Variants in MARCHF1 observed in about 807,000 individuals in gnomAD.
MARCHF1 encodes the protein membrane associated ring-CH-type finger 1, also known as E3 ubiquitin-protein ligase MARCHF1.
MARCHF1 carries 40 observed loss-of-function variants against 54.2 expected under a neutral mutation model. The observed-to-expected ratio is 0.74, with a 90% CI of 0.57 to 0.96. The LOEUF is 0.96. MARCHF1 is among the 40% of genes least tolerant of loss of function. The pLI is 0.00. For synonymous variants in MARCHF1, 236 were observed against 236.3 expected, an observed-to-expected ratio of 1.00 and a Z score of 0.01; for missense variants, 586 against 656.5, an observed-to-expected ratio of 0.89 and a Z score of 1.17.
At chr4:164,049,498 C>T (rs1215546903) in intron 2 of MARCHF1, among the ~76,000 whole-genome samples, 2 of 151,912 alleles carry the variant, frequency 1.3e-5, no homozygotes, top group African/African-American at 2.4e-5. Context: ...TAAATTTACA[C>T]ACCTGCTAAA....
intron 1 of MARCHF1, among the ~76,000 whole-genome samples, chr4:164,232,753 G>C (rs2111184074): frequency 6.6e-6 from 1 of 151,942 alleles, no homozygotes; most frequent in Middle Eastern, 3.4e-3. Flanking sequence ...TTCTTTGCTT[G>C]GCTGGTTAAA....
At chr4:164,273,462 C>A (rs1400568026) in intron 1 of MARCHF1, among the ~76,000 whole-genome samples, 1 of 151,982 alleles carries the variant, frequency 6.6e-6, no homozygotes, top group African/African-American at 2.4e-5. Context: ...GGATACAAAG[C>A]CTAACCATAT....
intron 1 of MARCHF1, among the ~76,000 whole-genome samples, chr4:164,200,986 C>T (rs1405311291): frequency 3.3e-5 from 5 of 151,856 alleles, no homozygotes; most frequent in South Asian, 2.1e-4. Flanking sequence ...AGCCAGACCA[C>T]GAGGCAGAAA....
chr4:164,010,085 T>C (rs1004152910), intron 2 of MARCHF1, among the ~76,000 whole-genome samples: 1 of 80,332 alleles, frequency 1.2e-5, no homozygotes, highest in Non-Finnish European at 2.7e-5. Context: ...TTTTTTTTTT[T>C]AGGCGGAGTC....
chr4:164,043,135 C>T (rs1163395927), intron 2 of MARCHF1, among the ~76,000 whole-genome samples: 1 of 152,096 alleles, frequency 6.6e-6, no homozygotes, highest in African/African-American at 2.4e-5. Flanking sequence ...AGGATGATGG[C>T]CCTCTTCTCA....
chr4:164,189,457 C>T lies in MARCHF1; in HGVS notation c.-322-77795G>A, dbSNP rs1731065779. On this transcript the variant is annotated intron_variant, in intron 1 of 9. Transcript: ENST00000514618. ...GAATTCTGATATTGATGATGTTGTT[C>T]TTGGTGGCTCTACTCGAATTCCAAA... The T allele has an allele frequency of 3.3e-5, 23 of 705,286 alleles. No individual in the cohort carries two copies. In the Middle Eastern group the frequency reaches 1.5e-3, roughly 46 times the overall value. 43.7% of individuals were successfully genotyped at this position (705,286 alleles called of 1,614,324 possible).
intron 4 of MARCHF1, among the ~76,000 whole-genome samples, chr4:163,783,516 T>C (rs896421974): frequency 1.2e-4 from 18 of 152,336 alleles, no homozygotes; most frequent in South Asian, 2.1e-4. Flanking sequence ...TACCTCACTG[T>C]CCTTATCCTA....
intron 4 of MARCHF1, among the ~76,000 whole-genome samples, chr4:163,805,333 G>C (rs954281619): frequency 2.0e-5 from 3 of 151,278 alleles, no homozygotes; most frequent in African/African-American, 7.3e-5. Flanking sequence ...GGATGTGTTT[G>C]GATGAAAGTA....
intron 5 of MARCHF1, 106 bp downstream of exon 5, chr4:163,700,707 T>C: frequency 2.4e-6 from 2 of 830,554 alleles, no homozygotes; most frequent in South Asian, 1.5e-5. Flanking sequence ...CAAATCACAT[T>C]TGTGTTCTGC....
intron 1 of MARCHF1, among the ~76,000 whole-genome samples, chr4:164,376,010 T>G (rs1377893202): frequency 6.6e-6 from 1 of 152,192 alleles, no homozygotes; most frequent in African/African-American, 2.4e-5. Flanking sequence ...TTATACTCAC[T>G]TTTGCGTATG....
intron 4 of MARCHF1, among the ~76,000 whole-genome samples, chr4:163,796,048 G>A (rs984060859): frequency 2.6e-5 from 4 of 151,992 alleles, no homozygotes; most frequent in African/African-American, 7.2e-5. Flanking sequence ...TTGAGTAGGC[G>A]GAAGAGGAGG....
At chr4:163,705,702 A>T (rs1744931116) in intron 4 of MARCHF1, among the ~76,000 whole-genome samples, 1 of 151,986 alleles carries the variant, frequency 6.6e-6, no homozygotes, top group Non-Finnish European at 1.5e-5. Context: ...ACAATATTCT[A>T]AAAAACACTA....
intron 8 of MARCHF1, among the ~76,000 whole-genome samples, chr4:163,564,781 C>A (rs1355411655): frequency 2.0e-5 from 3 of 152,128 alleles, no homozygotes; most frequent in Non-Finnish European, 4.4e-5. Context: ...TAATAGTGAG[C>A]CAGCAGAAAA....
At chr4:163,883,703 T>C (rs1750470103) in intron 3 of MARCHF1, among the ~76,000 whole-genome samples, 1 of 152,194 alleles carries the variant, frequency 6.6e-6, no homozygotes, top group Non-Finnish European at 1.5e-5. Context: ...GCATGGGGCA[T>C]ACTTGTTCTA....
chr4:164,213,753 C>T (rs997255803), intron 1 of MARCHF1, among the ~76,000 whole-genome samples: 1 of 151,536 alleles, frequency 6.6e-6, no homozygotes, highest in Non-Finnish European at 1.5e-5. Context: ...TATTTTTTGT[C>T]TATTGTATAA....
At chr4:164,237,870 T>C (rs1056478579) in intron 1 of MARCHF1, among the ~76,000 whole-genome samples, 1 of 151,948 alleles carries the variant, frequency 6.6e-6, no homozygotes, top group African/African-American at 2.4e-5. Flanking sequence ...TACAACCTAC[T>C]ATCTGTATTA....
intron 2 of MARCHF1, among the ~76,000 whole-genome samples, chr4:164,063,155 A>G (rs191482924): frequency 1.3e-5 from 2 of 152,262 alleles, no homozygotes; most frequent in East Asian, 3.9e-4. Context: ...TAAGGGCCCT[A>G]CGATTTTCAG....
chr4:164,197,676 C>T, intron 1 of MARCHF1: 2 of 1,612,546 alleles, frequency 1.2e-6, no homozygotes, highest in South Asian at 2.2e-5. Flanking sequence ...GCGCCCTGTT[C>T]CGCAGCTCTG....
At chr4:164,268,003 CCT>C (rs1733651959) in intron 1 of MARCHF1, among the ~76,000 whole-genome samples, 1 of 151,934 alleles carries the variant, frequency 6.6e-6, no homozygotes, top group South Asian at 2.1e-4. Flanking sequence ...AAAAAAAAAT[CCT>C]CTCTGGACAA....
Sources: gnomAD v4.1 joint callset for allele counts (sites outside exome capture counted in the v4.1 genomes callset) on GRCh38, gnomAD v4.1.1 for gene constraint, MANE v1.5 for transcripts, NCBI Gene and HGNC (gene_info 2026-07-23, HGNC 2026-07-21) for gene names.